Variants in ZFAT observed in about 807,000 individuals in gnomAD.
ZFAT encodes the protein zinc finger and AT-hook domain containing.
Under a neutral mutation model 117.7 loss-of-function variants are expected in ZFAT, and 64 were observed. That is an observed-to-expected ratio of 0.54 (90% confidence interval 0.44 to 0.67). The LOEUF (loss-of-function observed/expected upper bound fraction) is 0.67, where lower values mean the gene tolerates loss of function less well. Among genes scored for constraint, ZFAT ranks in the 30% least tolerant of loss-of-function variants. The pLI, the probability that ZFAT is intolerant of heterozygous loss-of-function variation, is 0.00. For missense variants in ZFAT, 1,433 were observed against 1,584.5 expected (o/e 0.90, Z 1.62); for synonymous variants, 679 against 615.0 (o/e 1.10, Z -1.54).
intron 1 of ZFAT, among the ~76,000 whole-genome samples, chr8:134,709,677 G>A (rs915386033): frequency 6.6e-6 from 1 of 152,212 alleles, no homozygotes; most frequent in Non-Finnish European, 1.5e-5. Flanking sequence ...TGCAATTAAG[G>A]AGACTTTTTA....
the ZFAT span, among the ~76,000 whole-genome samples, chr8:134,730,460 T>G: frequency 5.3e-5 from 8 of 152,212 alleles, no homozygotes; most frequent in Middle Eastern, 3.2e-3. Flanking sequence ...AAGAGAGACC[T>G]TTATCAGTCC....
the ZFAT span, among the ~76,000 whole-genome samples, chr8:134,770,849 A>G: frequency 1.3e-5 from 2 of 152,200 alleles, no homozygotes; most frequent in Non-Finnish European, 2.9e-5. Context: ...TCGAGGCTGC[A>G]GTGATGAAAT....
chr8:134,589,521 T>C (rs1219300026), intron 8 of ZFAT, among the ~76,000 whole-genome samples: 1 of 152,238 alleles, frequency 6.6e-6, no homozygotes, highest in Non-Finnish European at 1.5e-5. Context: ...AATACACTTG[T>C]CTGCTTTCCT....
At chr8:134,690,514 A>G (rs1432074635) in intron 1 of ZFAT, among the ~76,000 whole-genome samples, 1 of 152,206 alleles carries the variant, frequency 6.6e-6, no homozygotes, top group Admixed American at 6.5e-5. Flanking sequence ...AAAGTCTGAG[A>G]TTGGCCTCAG....
At chr8:134,672,386 A>G (rs1442413220) in intron 1 of ZFAT, among the ~76,000 whole-genome samples, 1 of 152,182 alleles carries the variant, frequency 6.6e-6, no homozygotes, top group African/African-American at 2.4e-5. Context: ...GAAAGGGAAC[A>G]TCACACACCG....
intron 11 of ZFAT, among the ~76,000 whole-genome samples, chr8:134,555,074 C>T (rs1823466012): frequency 6.6e-6 from 1 of 152,096 alleles, no homozygotes; most frequent in African/African-American, 2.4e-5. Context: ...TAAAAGAATA[C>T]AAAGCAAAAT....
chr8:134,808,291 C>T, the ZFAT span, among the ~76,000 whole-genome samples: 1 of 152,320 alleles, frequency 6.6e-6, no homozygotes, highest in East Asian at 1.9e-4. Context: ...ATTAACAATG[C>T]TCACTGCCTA....
the ZFAT span, among the ~76,000 whole-genome samples, chr8:134,826,498 T>A: frequency 6.6e-6 from 1 of 152,220 alleles, no homozygotes; most frequent in African/African-American, 2.4e-5. Context: ...AACTATACAT[T>A]CACTTTAATA....
the ZFAT span, chr8:134,783,645 G>C: frequency 6.6e-6 from 1 of 152,044 alleles, no homozygotes; most frequent in African/African-American, 2.4e-5. Context: ...GTTATGGCAG[G>C]GTCCCCAAGA....
At position 134,601,760 on chromosome 8, in the gene ZFAT, G is replaced by C; in HGVS notation, c.1959C>G (p.Pro653=). 1.2e-6 allele frequency: 2 copies of C among 1,613,814 alleles called. No homozygotes were observed. Among genetic ancestry groups the C allele is most frequent in the Non-Finnish European group, 1.7e-6 (2 of 1,179,912 alleles). The change falls in exon 6 of 16, where the codon CCC becomes CCG. Residue 653 remains proline (P), a synonymous_variant. Transcript: ENST00000377838. ...CAGCCATGTTCTGCCCTTCCCCTAG[G>C]GGGCTCTGGGCGCCATGGCTTTCCT... The part of the protein sequence containing the change: ...SDQESHGAQS[P]LGEGQNMAVL...
upstream of ZFAT, among the ~76,000 whole-genome samples, chr8:134,715,394 C>T (rs796628628): frequency 5.9e-5 from 9 of 152,272 alleles, no homozygotes; most frequent in African/African-American, 1.4e-4. Flanking sequence ...TTACTGAGCA[C>T]CTATTATTAC....
At chr8:134,510,951 G>A (rs945278406) in intron 14 of ZFAT, 1 of 152,420 alleles carries the variant, frequency 6.6e-6, no homozygotes, top group East Asian at 1.9e-4. Context: ...TTCTCAGGAG[G>A]TGACCTGCAG....
In ZFAT at chr8:134,490,002, G is replaced by A. The variant is rs987728713; in HGVS notation, c.3493-11281C>T. On this transcript the variant is annotated intron_variant, in intron 15 of 15. Transcript: ENST00000377838. Reference sequence around the variant, plus strand: ...CCACGTCCAAAGCATTGCGGGATCTGTCAGCTCCACTGTGAAATGCAGACC... The same window carrying A: ...CCACGTCCAAAGCATTGCGGGATCTATCAGCTCCACTGTGAAATGCAGACC... 9.9e-5 allele frequency among the ~76,000 whole-genome samples: 15 copies of A among 152,230 alleles called. No individual in the cohort carries two copies. The East Asian group carries it at 2.9e-3, about 29-fold the overall frequency.
chr8:134,796,659 G>C, the ZFAT span: 1 of 151,722 alleles, frequency 6.6e-6, no homozygotes, highest in Non-Finnish European at 1.5e-5. Context: ...AGAGACTAAA[G>C]AAAACCATTA....
intron 1 of ZFAT, among the ~76,000 whole-genome samples, chr8:134,690,536 T>A (rs1015355088): frequency 2.0e-5 from 3 of 152,214 alleles, no homozygotes; most frequent in Non-Finnish European, 4.4e-5. Context: ...TATATTGGGC[T>A]CAGTTATATA....
the ZFAT span, among the ~76,000 whole-genome samples, chr8:134,757,009 C>CTTTTTTT: frequency 1.2e-5 from 1 of 81,212 alleles, no homozygotes; most frequent in Non-Finnish European, 2.2e-5. Flanking sequence ...ACCTTCTTTC[C>CTTTTTTT]TTTTTTTTTT....
intron 1 of ZFAT, among the ~76,000 whole-genome samples, chr8:134,691,979 T>C (rs576115917): frequency 6.6e-6 from 1 of 152,310 alleles, no homozygotes; most frequent in South Asian, 2.1e-4. Flanking sequence ...TGCCTCAGCC[T>C]CCCAAGTAGC....
chr8:134,756,095 C>G, the ZFAT span, among the ~76,000 whole-genome samples: 1 of 152,154 alleles, frequency 6.6e-6, no homozygotes, highest in Non-Finnish European at 1.5e-5. Context: ...CCTACCAGTC[C>G]TCTTTTCCTG....
rs1411320560 is a variant in ZFAT, at chr8:134,478,781, A to G, written c.3493-60T>C. 8 of 1,517,358 alleles carry G rather than the reference A, an allele frequency of 5.3e-6. No homozygotes were observed. Among genetic ancestry groups the G allele is most frequent in the Non-Finnish European group, 7.1e-6 (8 of 1,132,118 alleles). The allele number at this position is 1,517,358 out of a possible 1,614,324, so 94.0% of individuals were successfully genotyped here. A position where few individuals can be genotyped will look rare whatever the true frequency, so the allele number is the denominator to read the frequency against. ...GCCTACTTCCCGGTCCAGCGTAACAACAAAGTCACAACTACAGTTTAGGAG... is the reference window on the plus strand; with the variant it reads ...GCCTACTTCCCGGTCCAGCGTAACAGCAAAGTCACAACTACAGTTTAGGAG... On this transcript the variant is annotated intron_variant, in intron 15 of 15. Transcript: ENST00000377838. The surrounding 1 kb of genome is among the most constrained non-coding windows in gnomAD (Gnocchi z 5.2).
Sources: gnomAD v4.1 joint callset for allele counts (sites outside exome capture counted in the v4.1 genomes callset) on GRCh38, gnomAD v4.1.1 for gene constraint, Gnocchi (gnomAD v3.1) non-coding constraint, MANE v1.5 for transcripts, NCBI Gene and HGNC (gene_info 2026-07-23, HGNC 2026-07-21) for gene names.